Variants in WDR7 observed in about 807,000 individuals in gnomAD.
The protein encoded by WDR7 is WD repeat domain 7.
In WDR7, 46 loss-of-function variants were observed where a neutral mutation model predicts 169.4. That is an observed-to-expected ratio of 0.27 (90% CI 0.21 to 0.35). The LOEUF is 0.35. Ranked by LOEUF, WDR7 falls within the 10% of genes least tolerant of loss-of-function variation. The probability of loss-of-function intolerance (pLI) is 1.00; values close to 1 mark genes in which losing one functional copy is unlikely to be tolerated. For missense variants in WDR7, 1,534 were observed against 1,859.3 expected (o/e 0.83, Z 3.22); for synonymous variants, 612 against 666.8 (o/e 0.92, Z 1.27).
chr18:56,937,809 T>A (rs1054847524), intron 23 of WDR7, among the ~76,000 whole-genome samples: 1 of 152,152 alleles, frequency 6.6e-6, no homozygotes, highest in African/African-American at 2.4e-5. Flanking sequence ...CAAATAATAT[T>A]TGACTGCTCC....
chr18:56,807,291 TA>T (rs113609765), intron 19 of WDR7, among the ~76,000 whole-genome samples: 3,895 of 152,304 alleles, frequency 0.026, 69 homozygotes, highest in Middle Eastern at 0.092. Context: ...ATGTTAAGCT[TA>T]TGCTTTAGTA....
rs1214260745 is a variant in WDR7, at chr18:56,924,056, G to T, written c.3661G>T (p.Val1221Phe). Residue 1221 changes from valine (V) to phenylalanine (F), a missense_variant, in exon 22 of 28, where the codon GTT becomes TTT. Physicochemically the swap from Val to Phe is conservative, Grantham distance 50. Coordinates refer to ENST00000254442, the MANE Select transcript of WDR7 (RefSeq NM_015285.3). ...VWEPYMDVSAVLMGLLELCAD... is the reference protein window; with the variant it reads ...VWEPYMDVSAFLMGLLELCAD... ...GGAGCCTTACATGGATGTGTCCGCT[G>T]TTCTGATGGGGCTTCTCGAACTTTG... The T allele has an allele frequency of 1.2e-6, 2 of 1,613,314 alleles. No homozygotes were observed. Among genetic ancestry groups the T allele is most frequent in the African/African-American group, 2.7e-5 (2 of 74,860 alleles).
At chr18:56,855,649 A>G (rs993362182) in intron 20 of WDR7, among the ~76,000 whole-genome samples, 3 of 151,996 alleles carry the variant, frequency 2.0e-5, no homozygotes, top group Non-Finnish European at 4.4e-5. Flanking sequence ...TGCTTACTTT[A>G]TTCTGTTTGT....
At chr18:56,798,977 C>T (rs2145150173) in intron 19 of WDR7, among the ~76,000 whole-genome samples, 1 of 152,258 alleles carries the variant, frequency 6.6e-6, no homozygotes, top group East Asian at 1.9e-4. Flanking sequence ...CTTTCCCTCC[C>T]TAATTCAATA....
intron 26 of WDR7, among the ~76,000 whole-genome samples, chr18:56,990,970 A>G (rs182543079): frequency 2.0e-5 from 3 of 152,108 alleles, no homozygotes; most frequent in Admixed American, 2.0e-4. Context: ...TAGTACACCA[A>G]ATTGTATTGT....
At chr18:56,843,274 G>A (rs143359346) in intron 20 of WDR7, among the ~76,000 whole-genome samples, 18 of 152,312 alleles carry the variant, frequency 1.2e-4, no homozygotes, top group Non-Finnish European at 7.3e-5. Context: ...GCGGTGTTAA[G>A]TATGTACACA....
intron 3 of WDR7, among the ~76,000 whole-genome samples, chr18:56,680,444 A>G (rs559828746): frequency 2.6e-5 from 4 of 152,342 alleles, no homozygotes; most frequent in South Asian, 4.1e-4. Context: ...AACATAAGCT[A>G]AAAATATAGT....
chr18:57,009,789 A>G (rs1037607505), intron 26 of WDR7: 3 of 939,954 alleles, frequency 3.2e-6, no homozygotes, highest in South Asian at 9.9e-5. Flanking sequence ...TTCAAAAAAT[A>G]TAAATTCCCT....
Position 56,924,113 on chromosome 18 carries a change from G to A in WDR7, c.3713+5G>A. 6 of 1,610,746 alleles carry A rather than the reference G, an allele frequency of 3.7e-6. No individual in the cohort carries two copies. In the South Asian group the frequency reaches 6.7e-5, roughly 18 times the overall value. ...TGCCGAGAAACAACTTGCCAAGTAT[G>A]TGTGGATTCCGGTTAATTTAATTTG... On this transcript the variant is annotated splice_donor_5th_base_variant and intron_variant, in intron 22 of 27. Transcript: ENST00000254442.
chr18:56,869,624 A>T (rs950352169), intron 20 of WDR7, among the ~76,000 whole-genome samples: 13 of 152,218 alleles, frequency 8.5e-5, no homozygotes, highest in African/African-American at 2.7e-4. Flanking sequence ...CTTTGATAAT[A>T]ATGTGAAAAT....
chr18:56,782,763 G>A (rs1302715700), intron 19 of WDR7, among the ~76,000 whole-genome samples: 4 of 152,016 alleles, frequency 2.6e-5, no homozygotes, highest in Admixed American at 2.6e-4. Context: ...TTTTATATCT[G>A]GTTTAAACTC....
chr18:56,795,147 A>G (rs1184475613), intron 19 of WDR7, among the ~76,000 whole-genome samples: 2 of 152,200 alleles, frequency 1.3e-5, no homozygotes, highest in African/African-American at 2.4e-5. Flanking sequence ...GTTTTGGTCC[A>G]TTATAATGAT....
intron 21 of WDR7, among the ~76,000 whole-genome samples, chr18:56,918,373 G>T (rs1393581234): frequency 6.6e-6 from 1 of 152,222 alleles, no homozygotes; most frequent in East Asian, 1.9e-4. Flanking sequence ...TACTTATATA[G>T]AGAAGGTGCT....
intron 21 of WDR7, 68 bp from the exon 22 acceptor site, chr18:56,923,854 T>C (rs1463964316): frequency 2.0e-5 from 28 of 1,369,962 alleles, no homozygotes; most frequent in Admixed American, 3.4e-5. Context: ...TTTGAAAGTA[T>C]GCTTCAAAAG....
intron 1 of WDR7, among the ~76,000 whole-genome samples, chr18:56,667,164 A>G (rs778886035): frequency 4.6e-5 from 7 of 151,936 alleles, no homozygotes; most frequent in Non-Finnish European, 1.0e-4. Context: ...CTGCCTCACT[A>G]TGCTTCCCTC....
chr18:57,032,740 T>G (rs1454044045), downstream of WDR7: 3 of 167,724 alleles, frequency 1.8e-5, no homozygotes, highest in Admixed American at 1.3e-4. Flanking sequence ...ACCGTTTAGT[T>G]GCAGGAAAAC....
intron 25 of WDR7, among the ~76,000 whole-genome samples, chr18:56,942,233 A>G (rs1010540869): frequency 6.6e-6 from 1 of 152,170 alleles, no homozygotes; most frequent in Non-Finnish European, 1.5e-5. Flanking sequence ...GGCTCAGTGC[A>G]TAAACATACA....
Position 56,958,168 on chromosome 18 carries a change from G to A in WDR7, c.4065-4262G>A, listed in dbSNP as rs115510557. ...ATGGTGTGCTTCAAAGTGATTTGCT[G>A]TGCCAGAGTAGACTCAGTTCATATT... is the stretch of plus-strand genomic sequence containing the variant. On this transcript the variant is annotated intron_variant, in intron 25 of 27. Coordinates refer to ENST00000254442, the MANE Select transcript of WDR7 (RefSeq NM_015285.3). Among the ~76,000 whole-genome samples the A allele has an allele frequency of 3.0e-3, 456 of 152,238 alleles. 2 individuals carry two copies. The highest frequency in any genetic ancestry group is 0.01 in the African/African-American group (433 of 41,544).
chr18:56,981,200 G>C (rs2047639665), intron 26 of WDR7, among the ~76,000 whole-genome samples: 1 of 152,150 alleles, frequency 6.6e-6, no homozygotes, highest in African/African-American at 2.4e-5. Flanking sequence ...AATTAAGAGA[G>C]AATGAAGTTT....
Sources: gnomAD v4.1 joint callset for allele counts (sites outside exome capture counted in the v4.1 genomes callset) on GRCh38, gnomAD v4.1.1 for gene constraint, MANE v1.5 for transcripts, NCBI Gene and HGNC (gene_info 2026-07-23, HGNC 2026-07-21) for gene names.